The following SETD4 variants were observed in gnomAD, a reference collection of about 807,000 sequenced individuals.
The protein encoded by SETD4 is SET domain-containing protein 4.
SETD4 carries 46 observed loss-of-function variants against 58.3 expected under a neutral mutation model. The observed-to-expected ratio is 0.79, with a 90% CI of 0.62 to 1.01. The LOEUF is 1.01. Ranked by LOEUF, SETD4 falls within the 50% of genes least tolerant of loss-of-function variation. SETD4 has a pLI of 0.00. For synonymous variants in SETD4, 190 were observed against 202.6 expected (o/e 0.94, Z 0.53); for missense variants, 490 against 523.3 (o/e 0.94, Z 0.62).
At chr21:36,037,514 A>T (rs1397340035) in intron 10 of SETD4, among the ~76,000 whole-genome samples, 1 of 150,836 alleles carries the variant, frequency 6.6e-6, no homozygotes, top group African/African-American at 2.4e-5. Context: ...CTGAGGCAGG[A>T]GAATCACTTG....
intron 2 of SETD4, 143 bp from the exon 3 acceptor site, chr21:36,057,347 A>T: frequency 1.3e-6 from 1 of 759,764 alleles, no homozygotes; most frequent in Non-Finnish European, 2.4e-6. Context: ...GAAAAGTTAC[A>T]ATAAAAACAC....
chr21:36,056,470 G>A (rs891695956), intron 3 of SETD4, among the ~76,000 whole-genome samples: 1 of 152,218 alleles, frequency 6.6e-6, no homozygotes, highest in African/African-American at 2.4e-5. Context: ...CCACCTGTGG[G>A]AAGAGTGGAG....
chr21:36,041,866 T>C lies in SETD4; in HGVS notation c.924A>G (p.Pro308=). ...TTTTGTCCATCTGTTTATCTGTTGA[T>C]GGAAGATATTTAACAAGTATTTCTA... The part of the protein sequence containing the change: ...VSREILVKYL[P]STDKQMDKKI... Residue 308 remains proline (P), a synonymous_variant, in exon 8 of 12, where the codon CCA becomes CCG. Transcript: ENST00000332131. The C allele has an allele frequency of 6.8e-7, 1 of 1,468,494 alleles. No individual in the cohort carries two copies. The highest frequency in any genetic ancestry group is 9.2e-7 in the Non-Finnish European group (1 of 1,082,762). 91.0% of individuals were successfully genotyped at this position (1,468,494 alleles called of 1,614,324 possible).
rs752395816 is a variant in SETD4, at chr21:36,036,175, A to G, written c.1265T>C (p.Leu422Pro). ...CTCGGCAGATGCCCTGAGAATCTTT[A>G]GCTCTTCCGTCCACAAGGATTCCAC... is the stretch of plus-strand genomic sequence containing the variant. ...TLVESLWTEE[L>P]KILRASAETL... The change falls in exon 11 of 12, where the codon CTA becomes CCA. Residue 422 changes from leucine to proline, a missense_variant. Physicochemically the swap from Leu to Pro is moderately conservative, Grantham distance 98 (BLOSUM62 -3). Transcript: ENST00000332131. The G allele has an allele frequency of 1.2e-6, 2 of 1,614,064 alleles. No homozygotes were observed. The highest frequency in any genetic ancestry group is 1.7e-6 in the Non-Finnish European group (2 of 1,180,008).
At chr21:36,041,682 T>C in intron 8 of SETD4, 125 bp downstream of exon 8, 1 of 648,748 alleles carries the variant, frequency 1.5e-6, no homozygotes, top group Non-Finnish European at 2.7e-6. Context: ...TAGTAAGTGC[T>C]CAATACCTAC....
intron 4 of SETD4, among the ~76,000 whole-genome samples, chr21:36,048,811 AG>A (rs1211240851): frequency 6.8e-6 from 1 of 147,420 alleles, no homozygotes; most frequent in Admixed American, 7.0e-5. Flanking sequence ...TCCACCTCCC[AG>A]GTTCAAGCGA....
At position 36,048,292 on chromosome 21, in the gene SETD4, GT is replaced by G; in HGVS notation, c.296+15del. ...AGAAGCACTTGCACCAGGTAAGCAA[GT>G]GTGTGGTCACTTACTTAGTAATGTA... On this transcript the variant is annotated intron_variant, in intron 5 of 11. Coordinates refer to ENST00000332131, the MANE Select transcript of SETD4 (RefSeq NM_017438.5). 1.9e-6 allele frequency: 3 copies of G among 1,610,248 alleles called. No homozygotes were observed. The highest frequency in any genetic ancestry group is 2.5e-6 in the Non-Finnish European group (3 of 1,176,492).
Position 36,058,873 on chromosome 21 carries a change from C to T in SETD4, c.16G>A (p.Gly6Arg). 1 of 1,600,110 alleles carries T rather than the reference C, an allele frequency of 6.2e-7. No individual in the cohort carries two copies. The highest frequency in any genetic ancestry group is 8.5e-7 in the Non-Finnish European group (1 of 1,175,002). The change falls in exon 2 of 12, where the codon GGG becomes AGG. Residue 6 changes from glycine (G) to arginine (R), a missense_variant. Transcript: ENST00000332131. ...CGTCTTCTGATCCGGCTTGTTCTCCCTTTTCCTTTCTGCATGCTAAAACTG... is the reference window on the plus strand; with the variant it reads ...CGTCTTCTGATCCGGCTTGTTCTCCTTTTTCCTTTCTGCATGCTAAAACTG... Reference protein sequence around the residue: MQKGKGRTSRIRRRKL... With the variant: MQKGKRRTSRIRRRKL...
At chr21:36,059,970 C>A in intron 1 of SETD4, 4 of 985,678 alleles carry the variant, frequency 4.1e-6, no homozygotes, top group Non-Finnish European at 4.8e-6. Flanking sequence ...TGCTGAGGAC[C>A]ACGTGAAGCC....
chr21:36,041,300 A>C (rs1029639418), intron 8 of SETD4, among the ~76,000 whole-genome samples: 1 of 151,416 alleles, frequency 6.6e-6, no homozygotes, highest in African/African-American at 2.4e-5. Context: ...GATGGCAGCC[A>C]CCACTGCCAG....
intron 1 of SETD4, chr21:36,059,687 C>CA (rs1253932644): frequency 2.6e-5 from 25 of 948,732 alleles, no homozygotes; most frequent in Non-Finnish European, 3.0e-5. Flanking sequence ...GACTCTGTCA[C>CA]AAAAAATAAA....
chr21:36,036,637 T>C, intron 10 of SETD4: 7 of 975,972 alleles, frequency 7.2e-6, no homozygotes, highest in Non-Finnish European at 8.5e-6. Context: ...CCCAGGCATG[T>C]TTTCATACGA....
chr21:36,058,020 T>A (rs959324880), intron 2 of SETD4, among the ~76,000 whole-genome samples: 2 of 152,238 alleles, frequency 1.3e-5, no homozygotes, highest in African/African-American at 4.8e-5. Flanking sequence ...TTACCCTGAA[T>A]TTGAAGTCAT....
chr21:36,041,143 G>C (rs927400164), intron 8 of SETD4, among the ~76,000 whole-genome samples: 1 of 104,930 alleles, frequency 9.5e-6, no homozygotes, highest in African/African-American at 3.8e-5. Context: ...CTGGGCGACA[G>C]AGCAAGACTC....
In SETD4 at chr21:36,053,769, G is replaced by A. The variant is rs543980987; in HGVS notation, c.170-149C>T. On this transcript the variant is annotated intron_variant, in intron 3 of 11. Coordinates refer to ENST00000332131, the MANE Select transcript of SETD4 (RefSeq NM_017438.5). Reference sequence around the variant, plus strand: ...AGCCTTTGATTCCCAGGGGAAACAGGGAGTCAGAAAGCTATTCCAGAAAAT... The same window carrying A: ...AGCCTTTGATTCCCAGGGGAAACAGAGAGTCAGAAAGCTATTCCAGAAAAT... 6.5e-6 allele frequency: 5 copies of A among 771,220 alleles called. No homozygotes were observed. The Admixed American group carries it at 7.6e-5, about 12-fold the overall frequency. 47.8% of individuals were successfully genotyped at this position (771,220 alleles called of 1,614,324 possible). A position where few individuals can be genotyped will look rare whatever the true frequency, so the allele number is the denominator to read the frequency against.
chr21:36,047,123 C>T (rs568695481), intron 5 of SETD4, among the ~76,000 whole-genome samples: 35 of 152,192 alleles, frequency 2.3e-4, no homozygotes, highest in African/African-American at 5.1e-4. Flanking sequence ...GGCATGGTGG[C>T]GCACACCTGT....
rs2063745772 is a variant in SETD4, at chr21:36,035,365, G to A, written c.*628C>T. 1 of 152,562 alleles carries A rather than the reference G, an allele frequency of 6.6e-6. No individual in the cohort carries two copies. Among genetic ancestry groups the A allele is most frequent in the South Asian group, 2.1e-4 (1 of 4,842 alleles). The allele number at this position is 152,562 out of a possible 1,614,324, so 9.5% of individuals were successfully genotyped here. On this transcript the variant is annotated 3_prime_UTR_variant, in exon 12 of 12. Coordinates refer to ENST00000332131, the MANE Select transcript of SETD4 (RefSeq NM_017438.5). The stretch of plus-strand genomic sequence containing the variant: ...GCAGGATGAGCCAGCTCCCCAGGTG[G>A]AAAGGCCTGCCCAGGAAAGTCGCCA...
At chr21:36,051,200 T>TA (rs2064662858) in intron 4 of SETD4, 3 of 1,605,314 alleles carry the variant, frequency 1.9e-6, no homozygotes, top group Non-Finnish European at 2.6e-6. Flanking sequence ...CCAGTGAGAC[T>TA]AGTGAGCTGG....
At chr21:36,052,050 GA>G (rs796148030) in intron 4 of SETD4, among the ~76,000 whole-genome samples, 1 of 149,666 alleles carries the variant, frequency 6.7e-6, no homozygotes, top group African/African-American at 2.5e-5. Context: ...TTTAAATGAT[GA>G]AAACATTAAC....
Sources: gnomAD v4.1 joint callset for allele counts (sites outside exome capture counted in the v4.1 genomes callset) on GRCh38, gnomAD v4.1.1 for gene constraint, MANE v1.5 for transcripts, NCBI Gene and HGNC (gene_info 2026-07-23, HGNC 2026-07-21) for gene names.